Variants in ILRUN observed in about 807,000 individuals in gnomAD.
ILRUN encodes the protein inflammation and lipid regulator with UBA-like and NBR1-like domains, also known as protein ILRUN.
Under a neutral mutation model 33.8 loss-of-function variants are expected in ILRUN, and 3 were observed. The ratio of observed to expected loss-of-function variants is 0.09; its 90% CI spans 0.04 to 0.23. ILRUN has a LOEUF of 0.23. Ranked by LOEUF, ILRUN falls within the 10% of genes least tolerant of loss-of-function variation. The pLI is 1.00. For synonymous variants in ILRUN, 124 were observed against 138.9 expected (o/e 0.89, Z 0.75); for missense variants, 210 against 375.1 (o/e 0.56, Z 3.64).
At chr6:34,608,092 TAAAA>T (rs71538249) in intron 3 of ILRUN, among the ~76,000 whole-genome samples, 1 of 144,208 alleles carries the variant, frequency 6.9e-6, no homozygotes, top group African/African-American at 2.5e-5. Flanking sequence ...CACCCTGTCT[TAAAA>T]AAAAAAAAAA....
At chr6:34,653,913 G>A (rs1342353396) in intron 2 of ILRUN, among the ~76,000 whole-genome samples, 2 of 148,550 alleles carry the variant, frequency 1.3e-5, no homozygotes, top group African/African-American at 5.0e-5. Flanking sequence ...TAAGGCTATA[G>A]TGAGCCATGA....
intron 1 of ILRUN, among the ~76,000 whole-genome samples, chr6:34,664,848 T>C (rs1487110702): frequency 6.6e-6 from 1 of 152,250 alleles, no homozygotes; most frequent in Non-Finnish European, 1.5e-5. Flanking sequence ...AAATCTATAA[T>C]GAAGCATGCC....
intron 1 of ILRUN, among the ~76,000 whole-genome samples, chr6:34,662,769 T>A (rs966109047): frequency 3.9e-5 from 6 of 152,180 alleles, no homozygotes; most frequent in Non-Finnish European, 8.8e-5. Flanking sequence ...CGCTACGGAA[T>A]AGTACACTTA....
chr6:34,599,043 G>A (rs949274001), intron 4 of ILRUN, among the ~76,000 whole-genome samples: 2 of 152,112 alleles, frequency 1.3e-5, no homozygotes, highest in African/African-American at 2.4e-5. Flanking sequence ...AGGTCTCTAC[G>A]ACCTGACACT....
chr6:34,634,877 G>GA (rs112546638), intron 3 of ILRUN, among the ~76,000 whole-genome samples: 25,085 of 151,800 alleles, frequency 0.17, 2,263 homozygotes, highest in African/African-American at 0.22. Context: ...ATTTCTTACA[G>GA]AAAAAAAATG....
chr6:34,624,099 T>G (rs1302371277), intron 3 of ILRUN, among the ~76,000 whole-genome samples: 2 of 152,208 alleles, frequency 1.3e-5, no homozygotes, highest in African/African-American at 4.8e-5. Flanking sequence ...CCCAAAGTGC[T>G]GGGATTACAG....
intron 3 of ILRUN, chr6:34,616,580 A>C: frequency 1.3e-6 from 2 of 1,560,186 alleles, no homozygotes; most frequent in Non-Finnish European, 1.7e-6. Flanking sequence ...TGTGCCAGAA[A>C]CCCTTAAGAA....
At chr6:34,678,604 T>C (rs1030855252) in intron 1 of ILRUN, among the ~76,000 whole-genome samples, 4 of 151,382 alleles carry the variant, frequency 2.6e-5, no homozygotes, top group Non-Finnish European at 5.9e-5. Context: ...TCCCAGCACT[T>C]TGGGAGGCCG....
chr6:34,658,251 G>A (rs1490318634), intron 1 of ILRUN, among the ~76,000 whole-genome samples: 1 of 151,794 alleles, frequency 6.6e-6, no homozygotes, highest in African/African-American at 2.4e-5. Context: ...GGATGAGATA[G>A]GCGAATTGCT....
At chr6:34,683,274 G>C (rs1763412645) in intron 1 of ILRUN, among the ~76,000 whole-genome samples, 1 of 150,332 alleles carries the variant, frequency 6.7e-6, no homozygotes, top group East Asian at 1.9e-4. Context: ...GAGGTATAAG[G>C]GCCTTGTTAT....
At chr6:34,643,141 C>G (rs1762505688) in intron 3 of ILRUN, among the ~76,000 whole-genome samples, 1 of 151,322 alleles carries the variant, frequency 6.6e-6, no homozygotes, top group Admixed American at 6.6e-5. Context: ...ACTGAAAATA[C>G]AAAAACAATT....
chr6:34,649,321 ACTAAACATAC>A, intron 2 of ILRUN, among the ~76,000 whole-genome samples: 1 of 152,348 alleles, frequency 6.6e-6, no homozygotes, highest in South Asian at 2.1e-4. Flanking sequence ...TCTGGACTAC[ACTAAACATAC>A]CTGAAATCTG....
intron 1 of ILRUN, chr6:34,686,486 T>G (rs1343252584): frequency 2.1e-5 from 3 of 145,938 alleles, no homozygotes; most frequent in African/African-American, 7.7e-5. Flanking sequence ...GGCAACAGAG[T>G]GAGAGTCCGT....
chr6:34,659,867 C>T (rs747455441), intron 1 of ILRUN, among the ~76,000 whole-genome samples: 44 of 151,988 alleles, frequency 2.9e-4, no homozygotes, highest in Middle Eastern at 3.4e-3. Context: ...GTGATTCACC[C>T]GCTTTGGCCT....
At position 34,587,993 on chromosome 6, in the gene ILRUN, T is replaced by G. The variant is rs1582023585; in HGVS notation, c.*2572A>C. The G allele has an allele frequency of 7.5e-6, 3 of 398,244 alleles. No individual in the cohort carries two copies. The highest frequency in any genetic ancestry group is 1.3e-5 in the Non-Finnish European group (3 of 226,090). 24.7% of individuals were successfully genotyped at this position (398,244 alleles called of 1,614,324 possible). A position where few individuals can be genotyped will look rare whatever the true frequency, so the allele number is the denominator to read the frequency against. ...AGATTCTAAGAGGAGCAGGGACTAT[T>G]GGGGCTGAGAGGTAGCCACTACCAC... On this transcript the variant is annotated 3_prime_UTR_variant, in exon 5 of 5. Coordinates refer to ENST00000374023, the MANE Select transcript of ILRUN (RefSeq NM_024294.4).
chr6:34,677,329 G>T (rs1265567334), intron 1 of ILRUN, among the ~76,000 whole-genome samples: 1 of 151,458 alleles, frequency 6.6e-6, no homozygotes, highest in Non-Finnish European at 1.5e-5. Flanking sequence ...GAGAGAGAGA[G>T]ATGAAAATAA....
intron 2 of ILRUN, among the ~76,000 whole-genome samples, chr6:34,653,953 A>T (rs539873832): frequency 5.1e-4 from 73 of 143,526 alleles, no homozygotes; most frequent in African/African-American, 1.9e-3. Context: ...CCTGGGCAAC[A>T]GAGCGAGATG....
intron 1 of ILRUN, among the ~76,000 whole-genome samples, chr6:34,688,853 C>T (rs1163155790): frequency 5.3e-5 from 8 of 151,714 alleles, no homozygotes; most frequent in African/African-American, 1.5e-4. Context: ...GACGTATCCA[C>T]GGGAGGCTGA....
chr6:34,645,390 T>C (rs1762546490), intron 3 of ILRUN, among the ~76,000 whole-genome samples: 1 of 152,150 alleles, frequency 6.6e-6, no homozygotes, highest in Admixed American at 6.5e-5. Context: ...GTTTTGTTTT[T>C]TTGAGACAGG....
Sources: allele counts gnomAD v4.1 joint callset (sites outside exome capture counted in the v4.1 genomes callset), GRCh38; gene constraint gnomAD v4.1.1; transcripts MANE v1.5; gene names NCBI Gene and HGNC (gene_info 2026-07-23, HGNC 2026-07-21).